TMEM74: variants seen among roughly 807,000 people sequenced by gnomAD.
TMEM74 encodes transmembrane protein 74.
TMEM74 carries 13 observed loss-of-function variants against 18.1 expected under a neutral mutation model. The ratio of observed to expected loss-of-function variants is 0.72; its 90% CI spans 0.47 to 1.14. The LOEUF is 1.14. Among genes scored for constraint, TMEM74 ranks in the 50% most tolerant of loss-of-function variants. The pLI is 0.00. For synonymous variants in TMEM74, 159 were observed against 146.6 expected, an observed-to-expected ratio of 1.08 and a Z score of -0.61; for missense variants, 372 against 375.9, an observed-to-expected ratio of 0.99 and a Z score of 0.09.
intron 2 of TMEM74, among the ~76,000 whole-genome samples, chr8:108,646,543 C>A (rs183205563): frequency 6.6e-6 from 1 of 151,960 alleles, no homozygotes; most frequent in Non-Finnish European, 1.5e-5. Context: ...CAAGAATATG[C>A]CTTTTATTGT....
intron 1 of TMEM74, among the ~76,000 whole-genome samples, chr8:108,764,292 C>G (rs188435715): frequency 6.6e-6 from 1 of 152,268 alleles, no homozygotes; most frequent in East Asian, 1.9e-4. Flanking sequence ...AGAATTTCAA[C>G]AGGCTGGACA....
At chr8:108,763,450 A>C (rs1008926332) in intron 1 of TMEM74, among the ~76,000 whole-genome samples, 3 of 152,188 alleles carry the variant, frequency 2.0e-5, no homozygotes, top group Admixed American at 6.6e-5. Flanking sequence ...ATACAATTCA[A>C]CTGTAATATT....
intron 1 of TMEM74, among the ~76,000 whole-genome samples, chr8:108,698,324 G>T (rs1351537094): frequency 6.6e-6 from 1 of 152,190 alleles, no homozygotes; most frequent in Admixed American, 6.5e-5. Flanking sequence ...AGACTGGATA[G>T]AAATATATAA....
chr8:108,660,468 A>G (rs771133966), intron 1 of TMEM74, among the ~76,000 whole-genome samples: 1 of 152,146 alleles, frequency 6.6e-6, no homozygotes, highest in Non-Finnish European at 1.5e-5. Flanking sequence ...TCTTCTTGGT[A>G]TTCAACCTTC....
At chr8:108,678,438 C>T (rs961706041) in intron 1 of TMEM74, among the ~76,000 whole-genome samples, 4 of 151,952 alleles carry the variant, frequency 2.6e-5, no homozygotes, top group African/African-American at 9.7e-5. Flanking sequence ...AATCTCAGCT[C>T]ACTGCAACCT....
intron 1 of TMEM74, among the ~76,000 whole-genome samples, chr8:108,682,756 T>A (rs751032181): frequency 6.6e-6 from 1 of 151,994 alleles, no homozygotes; most frequent in Non-Finnish European, 1.5e-5. Flanking sequence ...ATCCCATAAA[T>A]ACTCTTATAG....
chr8:108,634,037 G>A lies in TMEM74; in HGVS notation n.264+21256C>T, dbSNP rs909638392. Among the ~76,000 whole-genome samples the A allele has an allele frequency of 1.1e-4, 17 of 152,104 alleles. No individual in the cohort carries two copies. In the East Asian group the frequency reaches 1.7e-3, roughly 16 times the overall value. On this transcript the variant is annotated intron_variant and non_coding_transcript_variant, in intron 2 of 3. Coordinates refer to the TMEM74 transcript ENST00000518838. ...CAAAGAGAGAAAAGCAATTTACCAC[G>A]TAGAAGATGACAAAAGTTACCGGCA...
rs1812884446 is a variant in TMEM74, at chr8:108,659,998, T to C, written n.120-4561A>G. Among the ~76,000 whole-genome samples, 3 of 152,280 alleles carry C rather than the reference T, an allele frequency of 2.0e-5. No individual in the cohort carries two copies. The South Asian group carries it at 6.2e-4, about 32-fold the overall frequency. ...CATTGACCAAGGCATCAGGCCTGCATTGCAATTCATCTTCTCCTTCCACCT... is the reference window on the plus strand; with the variant it reads ...CATTGACCAAGGCATCAGGCCTGCACTGCAATTCATCTTCTCCTTCCACCT... On this transcript the variant is annotated intron_variant and non_coding_transcript_variant, in intron 1 of 3. Coordinates refer to the TMEM74 transcript ENST00000518838.
chr8:108,657,853 A>T (rs1168469336), intron 1 of TMEM74, among the ~76,000 whole-genome samples: 138 of 52,740 alleles, frequency 2.6e-3, no homozygotes, highest in African/African-American at 3.1e-3. Context: ...AAAAAAAAAA[A>T]AAAAAAATAT....
chr8:108,756,682 A>AAGAG (rs1813974020), intron 1 of TMEM74, among the ~76,000 whole-genome samples: 2 of 113,838 alleles, frequency 1.8e-5, no homozygotes, highest in Non-Finnish European at 3.5e-5. Context: ...GAAAGAAAGA[A>AAGAG]AGAAAGAAAG....
intron 1 of TMEM74, among the ~76,000 whole-genome samples, chr8:108,698,569 C>A (rs933524024): frequency 6.6e-6 from 1 of 152,136 alleles, no homozygotes; most frequent in African/African-American, 2.4e-5. Flanking sequence ...GCTGCCATTA[C>A]TATTGTTGTT....
chr8:108,759,560 A>C (rs187412985), intron 1 of TMEM74, among the ~76,000 whole-genome samples: 5 of 152,122 alleles, frequency 3.3e-5, no homozygotes, highest in Non-Finnish European at 5.9e-5. Context: ...TAGCTCTCTA[A>C]TGGCTGAGAA....
At chr8:108,646,962 T>C (rs1284818076) in intron 2 of TMEM74, among the ~76,000 whole-genome samples, 2 of 152,166 alleles carry the variant, frequency 1.3e-5, no homozygotes, top group African/African-American at 2.4e-5. Context: ...CATTTTAGCT[T>C]GTATTATAGC....
chr8:108,679,276 C>G (rs1249420925), intron 1 of TMEM74, among the ~76,000 whole-genome samples: 1 of 152,124 alleles, frequency 6.6e-6, no homozygotes, highest in African/African-American at 2.4e-5. Context: ...AATGGGATGG[C>G]TGGGTCAAAT....
chr8:108,700,588 C>T (rs961949997), intron 1 of TMEM74, among the ~76,000 whole-genome samples: 1 of 152,086 alleles, frequency 6.6e-6, no homozygotes, highest in Admixed American at 6.6e-5. Flanking sequence ...TGTTGATCAA[C>T]ACTGCTTTAC....
intron 2 of TMEM74, among the ~76,000 whole-genome samples, chr8:108,633,656 T>C (rs139979939): frequency 1.3e-5 from 2 of 152,138 alleles, no homozygotes; most frequent in African/African-American, 4.8e-5. Flanking sequence ...GTCTTTGTTC[T>C]TATCCATCTT....
intron 1 of TMEM74, among the ~76,000 whole-genome samples, chr8:108,747,872 G>A (rs189926632): frequency 3.5e-4 from 53 of 152,138 alleles, no homozygotes; most frequent in African/African-American, 1.2e-3. Flanking sequence ...CTCCATCCAC[G>A]TCCCTGCAAA....
intron 1 of TMEM74, among the ~76,000 whole-genome samples, chr8:108,707,310 T>C (rs1381275439): frequency 3.3e-5 from 5 of 150,488 alleles, no homozygotes; most frequent in African/African-American, 9.8e-5. Flanking sequence ...GTTGTGCACA[T>C]GTACCCTAGA....
At chr8:108,649,974 C>T (rs1309502802) in intron 2 of TMEM74, among the ~76,000 whole-genome samples, 1 of 152,160 alleles carries the variant, frequency 6.6e-6, no homozygotes, top group Non-Finnish European at 1.5e-5. Flanking sequence ...CATTATAAAA[C>T]TTCCCACAGT....
Sources: gnomAD v4.1 joint callset for allele counts (sites outside exome capture counted in the v4.1 genomes callset) on GRCh38, gnomAD v4.1.1 for gene constraint, MANE v1.5 for transcripts, NCBI Gene and HGNC (gene_info 2026-07-23, HGNC 2026-07-21) for gene names.